Variants in MIB1 observed in about 807,000 individuals in gnomAD.
The protein encoded by MIB1 is E3 ubiquitin-protein ligase MIB1.
Under a neutral mutation model 124.5 loss-of-function variants are expected in MIB1, and 278 were observed. The ratio of observed to expected loss-of-function variants is 2.23; its 90% CI spans 2.02 to 2.47. MIB1 has a LOEUF of 2.47. Among genes scored for constraint, MIB1 ranks in the 30% most tolerant of loss-of-function variants. MIB1 has a pLI of 0.00. For synonymous variants in MIB1, 446 were observed against 429.4 expected, an observed-to-expected ratio of 1.04 and a Z score of -0.48; for missense variants, 957 against 1,254.4, an observed-to-expected ratio of 0.76 and a Z score of 3.58.
At chr18:21,804,081 A>G (rs2041678946) in intron 10 of MIB1, 67 bp downstream of exon 10, 4 of 1,153,294 alleles carry the variant, frequency 3.5e-6, no homozygotes, top group Non-Finnish European at 3.8e-6. Context: ...CTATATCATG[A>G]GATGGATTGT....
intron 1 of MIB1, among the ~76,000 whole-genome samples, chr18:21,762,305 TAA>T (rs1403663556): frequency 6.6e-6 from 1 of 152,202 alleles, no homozygotes; most frequent in Non-Finnish European, 1.5e-5. Context: ...TTGTGGCAGA[TAA>T]AGACAAAAAG....
intron 10 of MIB1, among the ~76,000 whole-genome samples, chr18:21,813,696 T>G (rs1038864191): frequency 6.6e-6 from 1 of 152,242 alleles, no homozygotes; most frequent in Non-Finnish European, 1.5e-5. Context: ...TTGAATGAAC[T>G]ATTTAAGTGC....
chr18:21,752,169 G>A (rs867105364), intron 1 of MIB1, among the ~76,000 whole-genome samples: 52 of 152,176 alleles, frequency 3.4e-4, no homozygotes, highest in African/African-American at 1.2e-3. Context: ...TACTGGGGTC[G>A]TTTTATCTTT....
intron 12 of MIB1, among the ~76,000 whole-genome samples, chr18:21,834,708 A>G (rs1367077934): frequency 6.6e-6 from 1 of 152,224 alleles, no homozygotes; most frequent in Non-Finnish European, 1.5e-5. Context: ...GTACTCTTCA[A>G]AACTGTCAGA....
chr18:21,857,103 A>G, intron 18 of MIB1, 27 bp from the exon 19 acceptor site: 8 of 1,472,264 alleles, frequency 5.4e-6, no homozygotes, highest in South Asian at 1.1e-5. Context: ...CTCTCTTGTA[A>G]GAAGTGTCTG....
intron 1 of MIB1, among the ~76,000 whole-genome samples, chr18:21,725,078 G>C (rs922770561): frequency 1.5e-5 from 2 of 131,882 alleles, no homozygotes; most frequent in African/African-American, 2.9e-5. Flanking sequence ...CTGGGTGACA[G>C]AGCGAGACTC....
At chr18:21,711,970 A>C (rs1262971256) in intron 1 of MIB1, 1 of 152,976 alleles carries the variant, frequency 6.5e-6, no homozygotes, top group Admixed American at 6.5e-5. Context: ...CTGGGATTAC[A>C]CGTGTGAGCC....
At chr18:21,785,595 T>C (rs1423265467) in intron 6 of MIB1, among the ~76,000 whole-genome samples, 1 of 152,208 alleles carries the variant, frequency 6.6e-6, no homozygotes, top group Non-Finnish European at 1.5e-5. Context: ...GCCGTAGTTA[T>C]TTTTTTGATA....
intron 18 of MIB1, among the ~76,000 whole-genome samples, chr18:21,854,316 T>C (rs2042207306): frequency 6.6e-6 from 1 of 152,230 alleles, no homozygotes; most frequent in African/African-American, 2.4e-5. Flanking sequence ...CACTCAGCTC[T>C]TTCCCACTGC....
intron 17 of MIB1, among the ~76,000 whole-genome samples, chr18:21,852,263 A>G (rs1221678969): frequency 2.6e-5 from 4 of 152,206 alleles, no homozygotes; most frequent in African/African-American, 9.7e-5. Flanking sequence ...CATAAATTCT[A>G]TGTACATACT....
intron 12 of MIB1, chr18:21,828,280 A>G (rs1441022842): frequency 6.6e-6 from 1 of 151,954 alleles, no homozygotes; most frequent in Non-Finnish European, 1.5e-5. Context: ...GTCTGTTACC[A>G]ATATACCCTG....
chr18:21,811,501 T>A lies in MIB1; in HGVS notation c.1480-4115T>A, dbSNP rs576051320. Among the ~76,000 whole-genome samples, 6 of 152,138 alleles carry A rather than the reference T, an allele frequency of 3.9e-5. No homozygotes were observed. In the South Asian group the frequency reaches 1.2e-3, roughly 32 times the overall value. ...TTGACAGAAGAATGGATGAGCAAAA[T>A]GTGGTATGTGCTTATAATGGTAGAT... On this transcript the variant is annotated intron_variant, in intron 10 of 20. Transcript: ENST00000261537.
intron 20 of MIB1, among the ~76,000 whole-genome samples, chr18:21,863,735 G>A (rs1490756258): frequency 2.6e-5 from 4 of 152,266 alleles, no homozygotes; most frequent in Admixed American, 2.6e-4. Flanking sequence ...GCTGGGCGTG[G>A]TGGCTCATGC....
chr18:21,861,018 G>A (rs373286648), intron 20 of MIB1, among the ~76,000 whole-genome samples: 20 of 152,256 alleles, frequency 1.3e-4, no homozygotes, highest in African/African-American at 2.4e-4. Flanking sequence ...CATCCCAGAC[G>A]GCAGAGTGAG....
chr18:21,815,705 G>C lies in MIB1; in HGVS notation c.1569G>C (p.Leu523Phe). The C allele has an allele frequency of 6.2e-7, 1 of 1,614,118 alleles. No individual in the cohort carries two copies. The highest frequency in any genetic ancestry group is 8.5e-7 in the Non-Finnish European group (1 of 1,180,010). ...TACTACATCGAGGTAGTGCTGATTTGAATGCTCGAAACAAGCGCCGACAGA... is the reference window on the plus strand; with the variant it reads ...TACTACATCGAGGTAGTGCTGATTTCAATGCTCGAAACAAGCGCCGACAGA... ...IEVLHRGSAD[L>F]NARNKRRQTP... Residue 523 changes from leucine to phenylalanine, a missense_variant, in exon 11 of 21, where the codon TTG becomes TTC. Physicochemically the swap from Leu to Phe is conservative, Grantham distance 22 (BLOSUM62 0). Transcript: ENST00000261537.
chr18:21,733,196 G>A (rs2040780261), intron 1 of MIB1, among the ~76,000 whole-genome samples: 1 of 152,172 alleles, frequency 6.6e-6, no homozygotes, highest in Non-Finnish European at 1.5e-5. Flanking sequence ...GCTCTTGTCT[G>A]CAGCTGATGT....
At chr18:21,803,428 C>T (rs1486547595) in intron 9 of MIB1, among the ~76,000 whole-genome samples, 1 of 152,180 alleles carries the variant, frequency 6.6e-6, no homozygotes, top group South Asian at 2.1e-4. Context: ...ACCTTGCTAA[C>T]TTATTTATAT....
chr18:21,730,483 G>T (rs970154387), intron 1 of MIB1, among the ~76,000 whole-genome samples: 2 of 152,118 alleles, frequency 1.3e-5, no homozygotes, highest in African/African-American at 4.8e-5. Flanking sequence ...CGGGAGAGTC[G>T]CTTGAACTCA....
chr18:21,856,306 C>T (rs2042228111), intron 18 of MIB1, among the ~76,000 whole-genome samples: 1 of 149,990 alleles, frequency 6.7e-6, no homozygotes, highest in Non-Finnish European at 1.5e-5. Flanking sequence ...TACAGTTGTG[C>T]CTAGATATTT....
Sources: gnomAD v4.1 joint callset for allele counts (sites outside exome capture counted in the v4.1 genomes callset) on GRCh38, gnomAD v4.1.1 for gene constraint, MANE v1.5 for transcripts, NCBI Gene and HGNC (gene_info 2026-07-23, HGNC 2026-07-21) for gene names.